Variants in SCD5 observed in about 807,000 individuals in gnomAD.
SCD5 encodes the protein stearoyl-CoA desaturase 5.
In SCD5, 20 loss-of-function variants were observed where a neutral mutation model predicts 30.4. That is an observed-to-expected ratio of 0.66 (90% confidence interval 0.46 to 0.96). The LOEUF is 0.96. Among genes scored for constraint, SCD5 ranks in the 40% least tolerant of loss-of-function variants. The pLI is 0.00. For missense variants in SCD5, 381 were observed against 443.3 expected, an observed-to-expected ratio of 0.86 and a Z score of 1.26; for synonymous variants, 173 against 176.4, an observed-to-expected ratio of 0.98 and a Z score of 0.16.
rs560224599 is a variant in SCD5 at position 82,738,584 on chromosome 4, C to T, written c.233-33171G>A. ...CTAAAAGCCACTCACCCATTCCTTC[C>T]ACCCTTCCATACCTACTCTTCACTC... On this transcript the variant is annotated intron_variant, in intron 1 of 4. Coordinates refer to ENST00000319540, the MANE Select transcript of SCD5 (RefSeq NM_001037582.3). Among the ~76,000 whole-genome samples, 47 of 152,306 alleles carry T rather than the reference C, an allele frequency of 3.1e-4. 1 individual carries two copies. Among genetic ancestry groups the T allele is most frequent in the African/African-American group, 9.6e-4 (40 of 41,562 alleles).
At chr4:82,770,893 C>A (rs1461272400) in intron 1 of SCD5, among the ~76,000 whole-genome samples, 1 of 152,258 alleles carries the variant, frequency 6.6e-6, no homozygotes, top group African/African-American at 2.4e-5. Flanking sequence ...ATCTACACAA[C>A]GGCCCAGATG....
intron 1 of SCD5, among the ~76,000 whole-genome samples, chr4:82,770,569 C>T (rs1018588324): frequency 1.3e-5 from 2 of 152,176 alleles, no homozygotes; most frequent in African/African-American, 4.8e-5. Context: ...TTCAAATCCT[C>T]TTTATTCAGG....
At chr4:82,739,512 T>A (rs778433846) in intron 1 of SCD5, among the ~76,000 whole-genome samples, 11 of 151,964 alleles carry the variant, frequency 7.2e-5, no homozygotes, top group Non-Finnish European at 1.5e-4. Flanking sequence ...TGGAGGGAGG[T>A]CGTGGCTGGT....
intron 3 of SCD5, among the ~76,000 whole-genome samples, chr4:82,648,808 CA>C (rs1281891773): frequency 6.6e-6 from 1 of 152,054 alleles, no homozygotes. Context: ...GTGTGTAAAT[CA>C]AGAACACATG....
intron 1 of SCD5, among the ~76,000 whole-genome samples, chr4:82,733,097 T>C (rs1720677671): frequency 6.6e-6 from 1 of 152,154 alleles, no homozygotes; most frequent in Admixed American, 6.5e-5. Context: ...GCTATTCATA[T>C]TCCTGGAATT....
chr4:82,733,789 C>T (rs541014386), intron 1 of SCD5, among the ~76,000 whole-genome samples: 12 of 152,230 alleles, frequency 7.9e-5, no homozygotes, highest in African/African-American at 2.9e-4. Flanking sequence ...CTCTGGGTCT[C>T]GGGAACATGG....
chr4:82,712,281 TATATA>T (rs1560540812), intron 1 of SCD5, among the ~76,000 whole-genome samples: 3 of 50,312 alleles, frequency 6.0e-5, no homozygotes, highest in Non-Finnish European at 1.1e-4. Context: ...TATATATATA[TATATA>T]TATATATATA....
At chr4:82,724,527 A>G (rs538814735) in intron 1 of SCD5, among the ~76,000 whole-genome samples, 1 of 152,214 alleles carries the variant, frequency 6.6e-6, no homozygotes, top group African/African-American at 2.4e-5. Context: ...ACTTAAATAC[A>G]TGCATACCTC....
At chr4:82,660,919 C>T (rs183399678) in intron 3 of SCD5, 79 of 1,614,008 alleles carry the variant, frequency 4.9e-5, no homozygotes, top group Non-Finnish European at 5.8e-5. Flanking sequence ...CAGCATCAAG[C>T]AGCACTTTTC....
intron 1 of SCD5, among the ~76,000 whole-genome samples, chr4:82,730,277 A>ATATAAG (rs56407343): frequency 3.9e-5 from 1 of 25,756 alleles, no homozygotes; most frequent in Non-Finnish European, 5.8e-5. Context: ...ATATATAGTT[A>ATATAAG]TATATACTAT....
intron 2 of SCD5, among the ~76,000 whole-genome samples, chr4:82,697,365 A>G (rs1719717893): frequency 6.6e-6 from 1 of 152,244 alleles, no homozygotes; most frequent in Non-Finnish European, 1.5e-5. Flanking sequence ...ATCGCCTTAA[A>G]GTGGTTAGAA....
chr4:82,679,282 AGGAAG>A (rs1560531765), intron 3 of SCD5, among the ~76,000 whole-genome samples: 36 of 112,704 alleles, frequency 3.2e-4, no homozygotes, highest in Non-Finnish European at 6.0e-4. Flanking sequence ...GAAAGAAAGA[AGGAAG>A]GAAAGAAAGA....
intron 1 of SCD5, among the ~76,000 whole-genome samples, chr4:82,716,454 C>T (rs1720230226): frequency 6.6e-6 from 1 of 151,968 alleles, no homozygotes; most frequent in East Asian, 1.9e-4. Flanking sequence ...CCTCCTTATC[C>T]ATGGGTGCCA....
chr4:82,719,508 CTT>C (rs10635133), intron 1 of SCD5, among the ~76,000 whole-genome samples: 1 of 142,206 alleles, frequency 7.0e-6, no homozygotes, highest in Admixed American at 7.0e-5. Context: ...ATATGATTTT[CTT>C]TTTTTTTTTT....
chr4:82,667,745 C>CAA lies in SCD5; in HGVS notation c.569+12960_569+12961dup, dbSNP rs545705810. 4.3e-3 allele frequency among the ~76,000 whole-genome samples: 656 copies of CAA among 151,988 alleles called. 7 individuals carry two copies. Among genetic ancestry groups the CAA allele is most frequent in the African/African-American group, 0.015 (618 of 41,466 alleles). On this transcript the variant is annotated intron_variant, in intron 3 of 4. Transcript: ENST00000319540. ...ACAGCTGGATGCAGGGAGAATTATT[C>CAA]AAAGGAAAAAAATAATTTATTCTCA...
At chr4:82,792,136 A>G (rs1181241698) in intron 1 of SCD5, among the ~76,000 whole-genome samples, 1 of 152,196 alleles carries the variant, frequency 6.6e-6, no homozygotes, top group Admixed American at 6.5e-5. Flanking sequence ...GCATGCCTGT[A>G]ATCCCAGCTA....
chr4:82,708,889 T>A (rs1314392729), intron 1 of SCD5, among the ~76,000 whole-genome samples: 2 of 152,214 alleles, frequency 1.3e-5, no homozygotes, highest in East Asian at 3.8e-4. Context: ...TCTGTATCTC[T>A]ATAGCATCAG....
rs1168879446 is a variant in SCD5, at chr4:82,636,775, C to T, written c.618G>A (p.Leu206=). ...VVLMCFVVPT[L]VPWYIWGESL... is the part of the protein sequence containing the mutation. ...TCTCTCCCCAGATGTACCAGGGCAC[C>T]AGCGTGGGGACCACAAAGCACATGA... Residue 206 remains leucine, a synonymous_variant, in exon 4 of 5, where the codon CTG becomes CTA. Coordinates refer to ENST00000319540, the MANE Select transcript of SCD5 (RefSeq NM_001037582.3). The T allele has an allele frequency of 6.2e-7, 1 of 1,614,204 alleles. No individual in the cohort carries two copies. The highest frequency in any genetic ancestry group is 2.2e-5 in the East Asian group (1 of 44,886).
chr4:82,744,532 C>G (rs1720944976), intron 1 of SCD5, among the ~76,000 whole-genome samples: 1 of 152,188 alleles, frequency 6.6e-6, no homozygotes, highest in South Asian at 2.1e-4. Context: ...TCTCACTTGT[C>G]TGGAATGCCC....
Sources: allele counts gnomAD v4.1 joint callset (sites outside exome capture counted in the v4.1 genomes callset), GRCh38; gene constraint gnomAD v4.1.1; transcripts MANE v1.5; gene names NCBI Gene and HGNC (gene_info 2026-07-23, HGNC 2026-07-21).